The following TJP2 variants were observed in gnomAD, a reference collection of about 807,000 sequenced individuals.
TJP2 encodes tight junction protein 2.
A neutral mutation model predicts 133.1 loss-of-function variants in TJP2; 91 were observed. That is an observed-to-expected ratio of 0.68 (90% confidence interval 0.58 to 0.81). The LOEUF is 0.81. Among genes scored for constraint, TJP2 ranks in the 40% least tolerant of loss-of-function variants. The pLI, the probability that TJP2 is intolerant of heterozygous loss-of-function variation, is 0.00. For missense variants in TJP2, 1,541 were observed against 1,565.6 expected (o/e 0.98, Z 0.26); for synonymous variants, 592 against 583.4 (o/e 1.01, Z -0.21).
intron 17 of TJP2, among the ~76,000 whole-genome samples, chr9:69,245,845 T>A (rs1204804856): frequency 6.6e-6 from 1 of 152,226 alleles, no homozygotes; most frequent in African/African-American, 2.4e-5. Flanking sequence ...AAATGTATAT[T>A]CTTTGAATAC....
chr9:69,253,234 G>T, intron 22 of TJP2: 1 of 343,138 alleles, frequency 2.9e-6, no homozygotes, highest in South Asian at 3.3e-5. Flanking sequence ...TGTCTTGTTT[G>T]CTGACTCTCA....
At chr9:69,238,606 A>G in intron 15 of TJP2, 104 bp from the exon 16 acceptor site, 1 of 866,746 alleles carries the variant, frequency 1.2e-6, no homozygotes, top group African/African-American at 1.7e-5. Flanking sequence ...TTGTTAGGAG[A>G]CACTTAATGT....
At position 69,162,975 on chromosome 9, in the gene TJP2, C is replaced by T. The variant is rs1824158696; in HGVS notation, c.-10+11204C>T. ...GACCAGACCCTTTTCTTCTGAAAAACGTACACAGCATTTTGCAAATAATTA... is the reference window on the plus strand; with the variant it reads ...GACCAGACCCTTTTCTTCTGAAAAATGTACACAGCATTTTGCAAATAATTA... On this transcript the variant is annotated intron_variant, in intron 2 of 5. Coordinates refer to the TJP2 transcript ENST00000423935. Among the ~76,000 whole-genome samples the T allele has an allele frequency of 2.0e-5, 3 of 152,120 alleles. No individual in the cohort carries two copies. The South Asian group carries it at 6.2e-4, about 32-fold the overall frequency.
chr9:69,151,670 C>G, exon 2 of TJP2: 15 of 1,232,100 alleles, frequency 1.2e-5, no homozygotes, highest in Non-Finnish European at 1.5e-5. Context: ...TACCACATTA[C>G]TGTCATCTCC....
At chr9:69,238,102 G>T (rs780252355) in intron 15 of TJP2, 129 bp downstream of exon 15, 39 of 710,958 alleles carry the variant, frequency 5.5e-5, no homozygotes, top group Non-Finnish European at 9.6e-5. Flanking sequence ...ATTTTGTCAC[G>T]CATTTTCTCT....
At chr9:69,145,317 G>A (rs1239692588) in intron 1 of TJP2, among the ~76,000 whole-genome samples, 1 of 152,112 alleles carries the variant, frequency 6.6e-6, no homozygotes, top group African/African-American at 2.4e-5. Context: ...AGGCTTTTTG[G>A]ACCAATTATT....
chr9:69,251,137 AC>A lies in TJP2; in HGVS notation c.3096del (p.Gly1034ValfsTer17). Reference sequence around the variant, plus strand: ...TGGTAATGAAACTCCTGGGGCATCTACCAAAGGTTATCCTCCTCCTGTTGCA... The same window carrying A: ...TGGTAATGAAACTCCTGGGGCATCTACAAAGGTTATCCTCCTCCTGTTGCA... ...VAGNETPGAS[T>X]KGYPPPVAAK... On this transcript the variant is annotated frameshift_variant, in exon 21 of 23. Coordinates refer to ENST00000377245, the MANE Select transcript of TJP2 (RefSeq NM_004817.4). LOFTEE classifies it high-confidence loss of function. The A allele has an allele frequency of 1.2e-6, 2 of 1,614,118 alleles. No individual in the cohort carries two copies. The highest frequency in any genetic ancestry group is 1.7e-6 in the Non-Finnish European group (2 of 1,180,026).
rs779980563 is a variant in TJP2, at chr9:69,227,689, G to T, written c.1211-76G>T. 1.9e-4 allele frequency: 196 copies of T among 1,040,632 alleles called. 1 individual carries two copies. Among genetic ancestry groups the T allele is most frequent in the Non-Finnish European group, 2.7e-4 (185 of 692,764 alleles). The allele number at this position is 1,040,632 out of a possible 1,614,324, so 64.5% of individuals were successfully genotyped here. Reference sequence around the variant, plus strand: ...CCATTTCCCGTGTTTCCTACCCAGAGAATAGTGCAATTTCTCTGGGTAGGA... The same window carrying T: ...CCATTTCCCGTGTTTCCTACCCAGATAATAGTGCAATTTCTCTGGGTAGGA... On this transcript the variant is annotated intron_variant, in intron 7 of 22. Transcript: ENST00000377245.
At chr9:69,168,813 A>G (rs1047800027) in intron 2 of TJP2, among the ~76,000 whole-genome samples, 16 of 149,304 alleles carry the variant, frequency 1.1e-4, no homozygotes, top group Non-Finnish European at 1.9e-4. Flanking sequence ...AAAAAAAAAA[A>G]AAAGAAAAAA....
chr9:69,248,809 C>T, intron 19 of TJP2: 1 of 994,636 alleles, frequency 1.0e-6, no homozygotes. Flanking sequence ...TGTAAAGTCA[C>T]AGCCAAGTTA....
intron 1 of TJP2, among the ~76,000 whole-genome samples, chr9:69,209,211 C>T (rs1181720191): frequency 6.6e-6 from 1 of 152,118 alleles, no homozygotes; most frequent in African/African-American, 2.4e-5. Flanking sequence ...CAGCTCATTG[C>T]AACCTCCACC....
At chr9:69,142,497 A>C (rs1823057248) in intron 1 of TJP2, among the ~76,000 whole-genome samples, 1 of 152,200 alleles carries the variant, frequency 6.6e-6, no homozygotes, top group East Asian at 1.9e-4. Context: ...TTTTCAGTAG[A>C]GCTAAAAAAG....
intron 4 of TJP2, 95 bp from the exon 5 acceptor site, chr9:69,220,792 T>C: frequency 2.4e-6 from 3 of 1,274,462 alleles, no homozygotes; most frequent in Non-Finnish European, 3.4e-6. Context: ...AGGGATACGG[T>C]TTTCCTGAAA....
intron 2 of TJP2, among the ~76,000 whole-genome samples, chr9:69,156,400 G>T (rs1288472670): frequency 6.6e-6 from 1 of 152,112 alleles, no homozygotes; most frequent in East Asian, 1.9e-4. Flanking sequence ...TTTTGCCAAG[G>T]TTACAGGACA....
intron 1 of TJP2, among the ~76,000 whole-genome samples, chr9:69,141,691 A>G (rs1320087412): frequency 6.6e-6 from 1 of 152,084 alleles, no homozygotes; most frequent in Admixed American, 6.5e-5. Context: ...TCCTGGTTCA[A>G]GCGATTCTTA....
At chr9:69,155,079 G>A (rs1823675377) in intron 2 of TJP2, among the ~76,000 whole-genome samples, 1 of 151,676 alleles carries the variant, frequency 6.6e-6, no homozygotes, top group African/African-American at 2.4e-5. Context: ...TTAGCCTGGT[G>A]TGGTGCTGGG....
At position 69,229,212 on chromosome 9, in the gene TJP2, T is replaced by C; in HGVS notation, c.1482T>C (p.Thr494=). 3.1e-6 allele frequency: 5 copies of C among 1,614,176 alleles called. No homozygotes were observed. The highest frequency in any genetic ancestry group is 4.2e-6 in the Non-Finnish European group (5 of 1,180,016). ...PAPQPKAAPR[T]FLRPSPEDEA... ...CTCAACCAAAAGCAGCCCCGAGAAC[T>C]TTTCTTCGTCCTAGTCCTGAAGATG... Residue 494 remains threonine, a synonymous_variant, in exon 10 of 23, where the codon ACT becomes ACC. Coordinates refer to ENST00000377245, the MANE Select transcript of TJP2 (RefSeq NM_004817.4).
rs549936308 is a variant in TJP2 at position 69,213,750 on chromosome 9, C to CATTT, written c.114+1150_114+1153dup. 5.1e-4 allele frequency among the ~76,000 whole-genome samples: 77 copies of CATTT among 152,320 alleles called. 1 individual carries two copies. In the South Asian group the frequency reaches 0.016, roughly 32 times the overall value. On this transcript the variant is annotated intron_variant, in intron 2 of 22. Coordinates refer to ENST00000377245, the MANE Select transcript of TJP2 (RefSeq NM_004817.4). ...GACTCTCCTCTGCCCTTTCCCTGAG[C>CATTT]ATTTCATGCATTCCTTGAGTTGTGG... is the stretch of plus-strand genomic sequence containing the variant.
chr9:69,246,228 G>T (rs964927432), intron 17 of TJP2: 2 of 202,908 alleles, frequency 9.9e-6, no homozygotes, highest in Non-Finnish European at 2.0e-5. Context: ...GGGGTGTCCC[G>T]GAACCAATCC....
Sources: allele counts gnomAD v4.1 joint callset (sites outside exome capture counted in the v4.1 genomes callset), GRCh38; gene constraint gnomAD v4.1.1; transcripts MANE v1.5; gene names NCBI Gene and HGNC (gene_info 2026-07-23, HGNC 2026-07-21).